The following SMUG1 variants were observed in gnomAD, a reference collection of about 807,000 sequenced individuals.
The protein encoded by SMUG1 is single-strand-selective monofunctional uracil-DNA glycosylase 1, also known as single-strand selective monofunctional uracil DNA glycosylase.
In SMUG1, 13 loss-of-function variants were observed where a neutral mutation model predicts 23.9. That is an observed-to-expected ratio of 0.54 (90% CI 0.35 to 0.86). The LOEUF is 0.86. SMUG1 is among the 40% of genes least tolerant of loss of function. The pLI is 0.01. For synonymous variants in SMUG1, 133 were observed against 139.8 expected (o/e 0.95, Z 0.34); for missense variants, 313 against 339.5 (o/e 0.92, Z 0.61).
chr12:54,173,860 GC>G (rs776575755), intron 2 of SMUG1, among the ~76,000 whole-genome samples: 20 of 148,800 alleles, frequency 1.3e-4, no homozygotes, highest in Non-Finnish European at 2.5e-4. Context: ...GACACGACAA[GC>G]CCCCCGAAGA....
Position 54,182,705 on chromosome 12 carries a change from CT to C in SMUG1, c.286-83del, listed in dbSNP as rs1941400113. 9.2e-6 allele frequency: 14 copies of C among 1,521,498 alleles called. No individual in the cohort carries two copies. In the South Asian group the frequency reaches 1.6e-4, roughly 17 times the overall value. The allele number at this position is 1,521,498 out of a possible 1,614,324, so 94.2% of individuals were successfully genotyped here. ...TCTGGACCAACTGACTTCTTTATAC[CT>C]TACATGAGGATCCAGCCTGCACCCC... is the stretch of plus-strand genomic sequence containing the variant. On this transcript the variant is annotated intron_variant, in intron 3 of 3. Coordinates refer to ENST00000682136, the MANE Select transcript of SMUG1 (RefSeq NM_001243787.2).
chr12:54,173,568 A>T (rs1016811916), intron 2 of SMUG1, among the ~76,000 whole-genome samples: 1 of 152,066 alleles, frequency 6.6e-6, no homozygotes, highest in African/African-American at 2.4e-5. Flanking sequence ...CCCGCCGCCG[A>T]GCCCGCTCCA....
chr12:54,173,551 C>G (rs1184056183), intron 2 of SMUG1, among the ~76,000 whole-genome samples: 1 of 152,206 alleles, frequency 6.6e-6, no homozygotes, highest in Middle Eastern at 3.2e-3. Flanking sequence ...AAACGCCGCC[C>G]GCGCGGCCCG....
chr12:54,178,315 G>A (rs1940803523), downstream of SMUG1, among the ~76,000 whole-genome samples: 1 of 152,022 alleles, frequency 6.6e-6, no homozygotes, highest in Non-Finnish European at 1.5e-5. Flanking sequence ...TGCACCCCAG[G>A]AATTGAAAGC....
downstream of SMUG1, among the ~76,000 whole-genome samples, chr12:54,179,769 G>A (rs1305606794): frequency 6.6e-6 from 1 of 152,096 alleles, no homozygotes; most frequent in Non-Finnish European, 1.5e-5. Context: ...CCCACCCTGA[G>A]GTTGGAGAAT....
rs780662102 is a variant in SMUG1, at chr12:54,181,526, T to A, written c.*570A>T. Reference sequence around the variant, plus strand: ...ATCAAAAAGTTCCAAGTTTCAAAGCTGGGATGAAAAGCCAGGTCTTCTGAC... The same window carrying A: ...ATCAAAAAGTTCCAAGTTTCAAAGCAGGGATGAAAAGCCAGGTCTTCTGAC... On this transcript the variant is annotated 3_prime_UTR_variant, in exon 4 of 4. Coordinates refer to ENST00000682136, the MANE Select transcript of SMUG1 (RefSeq NM_001243787.2). The A allele has an allele frequency of 1.0e-5, 16 of 1,536,010 alleles. 1 individual carries two copies. In the South Asian group the frequency reaches 1.8e-4, roughly 17 times the overall value.
At chr12:54,158,384 T>C (rs988920767) in intron 4 of SMUG1, among the ~76,000 whole-genome samples, 1 of 152,190 alleles carries the variant, frequency 6.6e-6, no homozygotes, top group African/African-American at 2.4e-5. Context: ...CTTTCCCTTC[T>C]TGAAACCTGC....
chr12:54,171,922 C>T (rs1393289975), intron 3 of SMUG1: 2 of 352,478 alleles, frequency 5.7e-6, no homozygotes. Context: ...TTCATACGCT[C>T]TCACTAATCC....
At chr12:54,171,533 T>C (rs966156300) in intron 3 of SMUG1, among the ~76,000 whole-genome samples, 3 of 151,394 alleles carry the variant, frequency 2.0e-5, no homozygotes, top group African/African-American at 7.3e-5. Context: ...CTACTAAAAA[T>C]ACAAAAATTA....
Position 54,173,816 on chromosome 12 carries a change from C to T in SMUG1, c.399-1707G>A, listed in dbSNP as rs561115446. 4.8e-4 allele frequency among the ~76,000 whole-genome samples: 73 copies of T among 151,100 alleles called. 2 individuals carry two copies. Among genetic ancestry groups the T allele is most frequent in the Middle Eastern group, 3.4e-3 (1 of 294 alleles). ...CGAGTCTGGGCTCCTTCTTCTGTTC[C>T]CCCGCCCAAACAGAGCCAGAGGACA... On this transcript the variant is annotated intron_variant and NMD_transcript_variant, in intron 2 of 4. Coordinates refer to the SMUG1 transcript ENST00000509864.
chr12:54,161,755 T>C (rs754454204), downstream of SMUG1, among the ~76,000 whole-genome samples: 2 of 152,152 alleles, frequency 1.3e-5, no homozygotes, highest in Non-Finnish European at 2.9e-5. The surrounding 1 kb of genome is among the most constrained non-coding windows in gnomAD (Gnocchi z 4.2). Flanking sequence ...TCCCTGGGCC[T>C]CAGGAGGGAC....
chr12:54,182,520 T>C lies in SMUG1; in HGVS notation c.389A>G (p.Glu130Gly). The C allele has an allele frequency of 6.2e-7, 1 of 1,614,092 alleles. No homozygotes were observed. Among genetic ancestry groups the C allele is most frequent in the Non-Finnish European group, 8.5e-7 (1 of 1,180,018 alleles). The change falls in exon 4 of 4, where the codon GAG (glutamate) becomes GGG (glycine). Residue 130 changes from glutamate (E) to glycine (G), a missense_variant. By Grantham distance (98) the Glu-to-Gly change is moderately conservative. Transcript: ENST00000682136. Reference protein sequence around the residue: ...EHPKRPVLGLECPQSEVSGAR... With the variant: ...EHPKRPVLGLGCPQSEVSGAR... ...ACCACTCACTTCTGACTGTGGGCAC[T>C]CCAGTCCCAGCACTGGTCGTTTAGG...
chr12:54,165,143 T>C (rs1428748579), intron 4 of SMUG1: 2 of 152,160 alleles, frequency 1.3e-5, no homozygotes, highest in Admixed American at 6.6e-5. Flanking sequence ...CCCTTTCCAA[T>C]CATGCTGCCT....
At chr12:54,160,670 G>A (rs375831475), downstream of SMUG1, among the ~76,000 whole-genome samples, 13 of 152,314 alleles carry the variant, frequency 8.5e-5, no homozygotes, top group African/African-American at 3.1e-4. Context: ...CCTGGAACAG[G>A]TGGCCCTGGC....
chr12:54,176,517 A>ACGCCCC (rs1247915453), downstream of SMUG1, among the ~76,000 whole-genome samples: 3 of 74,898 alleles, frequency 4.0e-5, no homozygotes, highest in Admixed American at 1.3e-4. Context: ...TCCCCCCCCA[A>ACGCCCC]AAAAAAAGGC....
intron 4 of SMUG1, among the ~76,000 whole-genome samples, chr12:54,159,651 AG>A (rs1215156335): frequency 1.3e-5 from 2 of 152,104 alleles, no homozygotes; most frequent in Admixed American, 6.5e-5. Context: ...AGGATGTGGG[AG>A]GTAGTTTCCT....
chr12:54,170,163 A>T (rs1940579310), intron 3 of SMUG1, among the ~76,000 whole-genome samples: 1 of 151,366 alleles, frequency 6.6e-6, no homozygotes. Flanking sequence ...GCGCCATTGC[A>T]CTTCAGCCTG....
At chr12:54,159,370 G>C (rs1940159539) in intron 4 of SMUG1, among the ~76,000 whole-genome samples, 1 of 152,166 alleles carries the variant, frequency 6.6e-6, no homozygotes, top group Non-Finnish European at 1.5e-5. Context: ...AGTGTGGGGA[G>C]GCCTCGGGCT....
At chr12:54,188,050 T>C (rs545339036) in intron 1 of SMUG1, 148 bp from the exon 2 acceptor site, 1 of 152,104 alleles carries the variant, frequency 6.6e-6, no homozygotes, top group East Asian at 1.9e-4. Flanking sequence ...GAAATGTAGA[T>C]ATTTTATAAA....
Sources: allele counts gnomAD v4.1 joint callset (sites outside exome capture counted in the v4.1 genomes callset), GRCh38; gene constraint gnomAD v4.1.1; non-coding constraint Gnocchi (gnomAD v3.1); transcripts MANE v1.5; gene names NCBI Gene and HGNC (gene_info 2026-07-23, HGNC 2026-07-21).